Variants in BNC1 observed in about 807,000 individuals in gnomAD.
BNC1 encodes zinc finger protein basonuclin-1.
Under a neutral mutation model 66.5 loss-of-function variants are expected in BNC1, and 8 were observed. The observed-to-expected ratio is 0.12, with a 90% CI of 0.07 to 0.22. The LOEUF is 0.22. Among genes scored for constraint, BNC1 ranks in the 10% least tolerant of loss-of-function variants. The probability of loss-of-function intolerance (pLI) is 1.00; values close to 1 mark genes in which losing one functional copy is unlikely to be tolerated. For synonymous variants in BNC1, 454 were observed against 452.6 expected (o/e 1.00, Z -0.04); for missense variants, 1,069 against 1,241.3 (o/e 0.86, Z 2.09).
chr15:83,255,979 T>A lies in BNC1; in HGVS notation c.*1463A>T, dbSNP rs2038069253. On this transcript the variant is annotated 3_prime_UTR_variant, in exon 5 of 5. Coordinates refer to ENST00000345382, the MANE Select transcript of BNC1 (RefSeq NM_001717.4). ...TTTCACTTTGGGAAGACTGGAATATTAAACAGCTGGGTAACTAAACAGTTG... is the reference window on the plus strand; with the variant it reads ...TTTCACTTTGGGAAGACTGGAATATAAAACAGCTGGGTAACTAAACAGTTG... 6.6e-6 allele frequency: 1 copy of A among 152,648 alleles called. No individual in the cohort carries two copies. The highest frequency in any genetic ancestry group is 6.5e-5 in the Admixed American group (1 of 15,274). 9.5% of individuals were successfully genotyped at this position (152,648 alleles called of 1,614,324 possible). A position where few individuals can be genotyped will look rare whatever the true frequency, so the allele number is the denominator to read the frequency against.
At position 83,257,303 on chromosome 15, in the gene BNC1, C is replaced by T. The variant is rs968872055; in HGVS notation, c.*139G>A. The T allele has an allele frequency of 3.0e-6, 3 of 990,850 alleles. No homozygotes were observed. Among genetic ancestry groups the T allele is most frequent in the Non-Finnish European group, 4.5e-6 (3 of 672,660 alleles). 61.4% of individuals were successfully genotyped at this position (990,850 alleles called of 1,614,324 possible). A position where few individuals can be genotyped will look rare whatever the true frequency, so the allele number is the denominator to read the frequency against. ...CGAGGTTTGTCTTTTGCTCATTGTG[C>T]TGTGGAAAACTATAAAGTCAAATCA... On this transcript the variant is annotated 3_prime_UTR_variant, in exon 5 of 5. Coordinates refer to ENST00000345382, the MANE Select transcript of BNC1 (RefSeq NM_001717.4).
chr15:83,273,372 G>A (rs116471480), intron 1 of BNC1, among the ~76,000 whole-genome samples: 53 of 152,128 alleles, frequency 3.5e-4, no homozygotes, highest in African/African-American at 1.3e-3. Flanking sequence ...TCTAATTACA[G>A]GACAAAAAGT....
chr15:83,265,393 T>C (rs1022936482), intron 3 of BNC1, among the ~76,000 whole-genome samples: 5 of 152,182 alleles, frequency 3.3e-5, no homozygotes, highest in Non-Finnish European at 5.9e-5. Flanking sequence ...GGCCTAACTT[T>C]TCCCAAAACT....
At chr15:83,283,306 C>T in intron 1 of BNC1, 1 of 1,497,008 alleles carries the variant, frequency 6.7e-7, no homozygotes, top group East Asian at 2.5e-5. Context: ...TGACAAATCC[C>T]GAGGAACTCC....
intron 1 of BNC1, among the ~76,000 whole-genome samples, chr15:83,282,649 T>A (rs1335895481): frequency 6.6e-6 from 1 of 152,194 alleles, no homozygotes; most frequent in Non-Finnish European, 1.5e-5. Flanking sequence ...ATTTGCAAAC[T>A]CAGGGTCGAA....
chr15:83,283,325 C>T, intron 1 of BNC1: 1 of 1,476,850 alleles, frequency 6.8e-7, no homozygotes, highest in African/African-American at 1.4e-5. Flanking sequence ...CCGGCAAAGC[C>T]AGGCGGCGGC....
Position 83,257,320 on chromosome 15 carries a change from G to A in BNC1, c.*122C>T. 3 of 1,181,378 alleles carry A rather than the reference G, an allele frequency of 2.5e-6. No individual in the cohort carries two copies. The highest frequency in any genetic ancestry group is 3.6e-6 in the Non-Finnish European group (3 of 834,636). The allele number at this position is 1,181,378 out of a possible 1,614,324, so 73.2% of individuals were successfully genotyped here. A position where few individuals can be genotyped will look rare whatever the true frequency, so the allele number is the denominator to read the frequency against. The stretch of plus-strand genomic sequence containing the variant: ...TCATTGTGCTGTGGAAAACTATAAA[G>A]TCAAATCAAATACTTTTGCCTGACT... On this transcript the variant is annotated 3_prime_UTR_variant, in exon 5 of 5. Transcript: ENST00000345382.
rs759188160 is a variant in BNC1 at position 83,264,754 on chromosome 15, G to A, written c.497C>T (p.Thr166Ile). Residue 166 changes from threonine (T) to isoleucine (I), a missense_variant, in exon 4 of 5, where the codon ACC (threonine) becomes ATC (isoleucine). Around this residue, in one of 7 missense-constraint regions of BNC1, gnomAD observed 181 missense variants for 181.5 expected, o/e 1.00. Transcript: ENST00000345382. ...TCCAAAACGAAGGAACTGCTGCAAGGTGGCCACTTCTTCCTCACTGGTCAT... is the reference window on the plus strand; with the variant it reads ...TCCAAAACGAAGGAACTGCTGCAAGATGGCCACTTCTTCCTCACTGGTCAT... ...SIMTSEEEVATLQQFLRFGET... is the reference protein window; with the variant it reads ...SIMTSEEEVAILQQFLRFGET... The A allele has an allele frequency of 6.2e-7, 1 of 1,614,186 alleles. No individual in the cohort carries two copies. The highest frequency in any genetic ancestry group is 8.5e-7 in the Non-Finnish European group (1 of 1,180,050).
At chr15:83,273,058 G>C (rs1211962582) in intron 1 of BNC1, among the ~76,000 whole-genome samples, 1 of 152,062 alleles carries the variant, frequency 6.6e-6, no homozygotes, top group Admixed American at 6.6e-5. Flanking sequence ...TTCAGTTTCG[G>C]GATAATTTTA....
chr15:83,264,267 A>G lies in BNC1; in HGVS notation c.984T>C (p.Ile328=). The change falls in exon 4 of 5, where the codon ATT becomes ATC. Residue 328 remains isoleucine (I), a synonymous_variant. Coordinates refer to ENST00000345382, the MANE Select transcript of BNC1 (RefSeq NM_001717.4). ...THLSDSSSYN[I]VTKFERTQLS... is the part of the protein sequence containing the mutation. The stretch of plus-strand genomic sequence containing the variant: ...ACTGTGTCCTTTCAAACTTAGTGAC[A>G]ATGTTGTATGAGCTGGAGTCACTTA... The G allele has an allele frequency of 1.9e-6, 3 of 1,614,160 alleles. No individual in the cohort carries two copies. The South Asian group carries it at 3.3e-5, about 18-fold the overall frequency.
rs1190682745 is a variant in BNC1, at chr15:83,284,553, G to C, written c.76C>G (p.Arg26Gly). The change falls in exon 1 of 5, where the codon CGC becomes GGC. Residue 26 changes from arginine to glycine, a missense_variant. By Grantham distance (125) the Arg-to-Gly change is moderately radical. Coordinates refer to ENST00000345382, the MANE Select transcript of BNC1 (RefSeq NM_001717.4). Reference sequence around the variant, plus strand: ...ACCTCGGCCATCCTGCGACCGCTGCGGTGCCGGGGCTGCCGGCGCGTCTCC... The same window carrying C: ...ACCTCGGCCATCCTGCGACCGCTGCCGTGCCGGGGCTGCCGGCGCGTCTCC... ...ARETRRQPRH[R>G]SGRRMAEAIS... is the part of the protein sequence containing the mutation. 87 of 1,149,132 alleles carry C rather than the reference G, an allele frequency of 7.6e-5. No homozygotes were observed. The highest frequency in any genetic ancestry group is 9.2e-5 in the Non-Finnish European group (86 of 930,670). The allele number at this position is 1,149,132 out of a possible 1,614,324, so 71.2% of individuals were successfully genotyped here.
intron 1 of BNC1, among the ~76,000 whole-genome samples, chr15:83,284,294 G>A (rs1197007549): frequency 6.6e-6 from 1 of 151,928 alleles, no homozygotes; most frequent in Non-Finnish European, 1.5e-5. Flanking sequence ...CCGTTTGCCA[G>A]CTCCGGGACG....
At chr15:83,273,717 G>A (rs912904194) in intron 1 of BNC1, among the ~76,000 whole-genome samples, 1 of 152,074 alleles carries the variant, frequency 6.6e-6, no homozygotes, top group Admixed American at 6.6e-5. Flanking sequence ...TTTTAGGCAC[G>A]CTCCTGGACC....
At chr15:83,258,201 T>A in intron 4 of BNC1, 75 bp from the exon 5 acceptor site, 1 of 1,444,168 alleles carries the variant, frequency 6.9e-7, no homozygotes. Context: ...TGGAGAGACT[T>A]GGTAGATACC....
At chr15:83,262,857 G>T in intron 4 of BNC1, 94 bp downstream of exon 4, 2 of 1,305,918 alleles carry the variant, frequency 1.5e-6, no homozygotes, top group Middle Eastern at 2.7e-4. Flanking sequence ...GGGCTCAGAA[G>T]TCTGTGTTTT....
intron 1 of BNC1, among the ~76,000 whole-genome samples, chr15:83,277,594 C>A (rs1223739521): frequency 6.6e-6 from 1 of 152,152 alleles, no homozygotes; most frequent in Non-Finnish European, 1.5e-5. Context: ...CAGGCATGAG[C>A]CACCGCGCCT....
rs924440983 is a variant in BNC1 at position 83,264,660 on chromosome 15, AGGT to A, written c.588_590del (p.Pro197del). On this transcript the variant is annotated inframe_deletion, in exon 4 of 5. Transcript: ENST00000345382. ...CCCTGATATCTACATTTGCTGTGGA[AGGT>A]GGTATGATGATGGATTGCTCTTCTT... 1.9e-6 allele frequency: 3 copies of A among 1,614,028 alleles called. No individual in the cohort carries two copies. In the African/African-American group the frequency reaches 4.0e-5, roughly 22 times the overall value.
rs5814139 is a variant in BNC1, at chr15:83,262,045, GTTTTT to G, written c.2300+901_2300+905del. ...CCTGCTAATGTGACAACTAGTTCATGTTTTTTTTTTTTTTTTTTTTTGAGACAGAG... is the reference window on the plus strand; with the variant it reads ...CCTGCTAATGTGACAACTAGTTCATGTTTTTTTTTTTTTTTTGAGACAGAG... On this transcript the variant is annotated intron_variant, in intron 4 of 4. Coordinates refer to ENST00000345382, the MANE Select transcript of BNC1 (RefSeq NM_001717.4). 1.0e-4 allele frequency among the ~76,000 whole-genome samples: 11 copies of G among 110,548 alleles called. No homozygotes were observed. In the South Asian group the frequency reaches 2.6e-3, roughly 26 times the overall value. The allele number at this position is 110,548 out of a possible 152,430, so 72.5% of individuals were successfully genotyped here.
In BNC1 at chr15:83,264,436, T is replaced by C. The variant is rs2038192200; in HGVS notation, c.815A>G (p.Gln272Arg). 7 of 1,614,192 alleles carry C rather than the reference T, an allele frequency of 4.3e-6. No individual in the cohort carries two copies. In the East Asian group the frequency reaches 1.6e-4, roughly 36 times the overall value. The part of the protein sequence containing the change: ...EQYMLEQGHD[Q>R]SQDPKQEVHG... ...GACTTCCTGTTTGGGGTCCTGACTT[T>C]GGTCATGACCCTGCTCCAACATATA... Residue 272 changes from glutamine (Q) to arginine (R), a missense_variant, in exon 4 of 5, where the codon CAA becomes CGA. Gln to Arg is a conservative substitution (Grantham distance 43). Around this residue, in one of 7 missense-constraint regions of BNC1, gnomAD observed 181 missense variants for 181.5 expected, o/e 1.00. Coordinates refer to ENST00000345382, the MANE Select transcript of BNC1 (RefSeq NM_001717.4).
Sources: allele counts gnomAD v4.1 joint callset (sites outside exome capture counted in the v4.1 genomes callset), GRCh38; gene constraint gnomAD v4.1.1; regional missense constraint gnomAD v4.1.1; transcripts MANE v1.5; gene names NCBI Gene and HGNC (gene_info 2026-07-23, HGNC 2026-07-21).